Variants in CCDC30 observed in about 807,000 individuals in gnomAD.
CCDC30 encodes coiled-coil domain containing 30, also known as coiled-coil domain-containing protein 30.
In CCDC30, 70 loss-of-function variants were observed where a neutral mutation model predicts 100.2. The observed-to-expected ratio is 0.70, with a 90% CI of 0.58 to 0.85. CCDC30 has a LOEUF of 0.85. Ranked by LOEUF, CCDC30 falls within the 40% of genes least tolerant of loss-of-function variation. CCDC30 has a pLI of 0.00. For synonymous variants in CCDC30, 233 were observed against 269.5 expected (o/e 0.86, Z 1.33); for missense variants, 652 against 771.2 (o/e 0.85, Z 1.83).
At chr1:42,547,201 G>C (rs1645162237) in intron 6 of CCDC30, among the ~76,000 whole-genome samples, 1 of 152,200 alleles carries the variant, frequency 6.6e-6, no homozygotes, top group African/African-American at 2.4e-5. Context: ...AGAGAGCCAA[G>C]AAGCAACATC....
chr1:42,589,573 T>A (rs1210790875), intron 10 of CCDC30, 90 bp downstream of exon 14: 4 of 1,089,852 alleles, frequency 3.7e-6, no homozygotes, highest in Non-Finnish European at 5.4e-6. Flanking sequence ...TTACTAAACC[T>A]AATCCTTTAG....
intron 6 of CCDC30, among the ~76,000 whole-genome samples, chr1:42,535,710 T>TATATATATA (rs1644888588): frequency 2.0e-5 from 2 of 99,646 alleles, no homozygotes; most frequent in African/African-American, 8.6e-5. Context: ...ATATATATAT[T>TATATATATA]ATATATATAA....
chr1:42,553,650 CAT>C (rs1018285965), intron 6 of CCDC30, among the ~76,000 whole-genome samples: 1 of 94,206 alleles, frequency 1.1e-5, no homozygotes, highest in African/African-American at 3.6e-5. Context: ...GGTGAGATTC[CAT>C]ACACACACAC....
Position 42,498,394 on chromosome 1 carries a change from A to G in CCDC30, c.358-424A>G, listed in dbSNP as rs546603669. Among the ~76,000 whole-genome samples the G allele has an allele frequency of 4.4e-4, 67 of 152,300 alleles. No individual in the cohort carries two copies. The South Asian group carries it at 5.0e-3, about 11-fold the overall frequency. ...AACAGTGTGCCTGACAATGTACTTAATAATATGCTTAATGATGCTTAATGC... is the reference window on the plus strand; with the variant it reads ...AACAGTGTGCCTGACAATGTACTTAGTAATATGCTTAATGATGCTTAATGC... On this transcript the variant is annotated intron_variant, in intron 5 of 16. Coordinates refer to ENST00000668663, the Ensembl canonical transcript of CCDC30.
chr1:42,524,055 A>G (rs1644687656), intron 6 of CCDC30, among the ~76,000 whole-genome samples: 1 of 150,412 alleles, frequency 6.6e-6, no homozygotes, highest in Admixed American at 6.6e-5. Context: ...TTTGTGTAGT[A>G]GATCTGCCAT....
rs140065707 is a variant in CCDC30, at chr1:42,587,249, G to A, written c.1002-2072G>A. Among the ~76,000 whole-genome samples, 939 of 152,218 alleles carry A rather than the reference G, an allele frequency of 6.2e-3. 3 individuals carry two copies. Among genetic ancestry groups the A allele is most frequent in the African/African-American group, 0.017 (717 of 41,526 alleles). On this transcript the variant is annotated intron_variant, in intron 9 of 16. Coordinates refer to ENST00000668663, the Ensembl canonical transcript of CCDC30. ...TGGGCTCAAGCGATCCTCCTACCTT[G>A]GCCTCCCAAAGTGCTAGGATTATAG...
At chr1:42,497,751 C>A (rs1471183705) in intron 5 of CCDC30, among the ~76,000 whole-genome samples, 2 of 151,904 alleles carry the variant, frequency 1.3e-5, no homozygotes, top group Non-Finnish European at 2.9e-5. Flanking sequence ...GACTAAAGAC[C>A]CATCAGGATG....
chr1:42,536,571 T>C lies in CCDC30; in HGVS notation c.457-29725T>C, dbSNP rs201506103. On this transcript the variant is annotated intron_variant, in intron 6 of 16. Coordinates refer to ENST00000668663, the Ensembl canonical transcript of CCDC30. ...AGCAGTTGGCATCTGGTCTTGACAC[T>C]GCAGAGAAGGCCTTGAAAGTTGAAA... The C allele has an allele frequency of 4.7e-5, 76 of 1,613,026 alleles. No individual in the cohort carries two copies. In the East Asian group the frequency reaches 1.6e-3, roughly 34 times the overall value.
intron 6 of CCDC30, chr1:42,542,818 G>C (rs1372854772): frequency 2.0e-5 from 3 of 150,962 alleles, no homozygotes; most frequent in Admixed American, 2.0e-4. Flanking sequence ...CTCCCAAAGT[G>C]CTGGGATTAC....
intron 8 of CCDC30, among the ~76,000 whole-genome samples, chr1:42,578,828 CA>C (rs1302098242): frequency 6.6e-6 from 1 of 152,022 alleles, no homozygotes; most frequent in Non-Finnish European, 1.5e-5. Context: ...TGTCCCCTGG[CA>C]AAAGATCAAA....
At chr1:42,525,048 G>A (rs904080969) in intron 6 of CCDC30, among the ~76,000 whole-genome samples, 1 of 151,934 alleles carries the variant, frequency 6.6e-6, no homozygotes, top group Non-Finnish European at 1.5e-5. Flanking sequence ...TCTTATCTTT[G>A]TTTTTCTATA....
At chr1:42,631,637 A>T (rs1208212527) in intron 11 of CCDC30, among the ~76,000 whole-genome samples, 1 of 152,200 alleles carries the variant, frequency 6.6e-6, no homozygotes, top group Non-Finnish European at 1.5e-5. Context: ...AAAAAACCTG[A>T]GAAGTCCACC....
chr1:42,498,156 A>T (rs1644256334), intron 5 of CCDC30, among the ~76,000 whole-genome samples: 1 of 152,244 alleles, frequency 6.6e-6, no homozygotes, highest in Non-Finnish European at 1.5e-5. Flanking sequence ...CATTATTCTA[A>T]ATGAAATAAT....
intron 4 of CCDC30, among the ~76,000 whole-genome samples, chr1:42,490,659 C>T (rs537516839): frequency 6.6e-6 from 1 of 152,144 alleles, no homozygotes; most frequent in Admixed American, 6.6e-5. Context: ...TATGGCCATA[C>T]CACCCTGAAC....
rs1646282847 is a variant in CCDC30, at chr1:42,596,121, A to G, written c.1164+6638A>G. Among the ~76,000 whole-genome samples, 1 of 152,198 alleles carries G rather than the reference A, an allele frequency of 6.6e-6. No individual in the cohort carries two copies. The highest frequency in any genetic ancestry group is 1.5e-5 in the Non-Finnish European group (1 of 68,036). On this transcript the variant is annotated intron_variant, in intron 10 of 16. Coordinates refer to ENST00000668663, the Ensembl canonical transcript of CCDC30. The surrounding 1 kb of genome is among the most constrained non-coding windows in gnomAD (Gnocchi z 4.3). ...AAATTAGAGATACCTATAGACAAATACAGATAATCACAACTTACTGGAGCA... is the reference window on the plus strand; with the variant it reads ...AAATTAGAGATACCTATAGACAAATGCAGATAATCACAACTTACTGGAGCA...
intron 6 of CCDC30, 30 bp from the exon 9 acceptor site, chr1:42,545,380 A>G (rs1474973623): frequency 6.6e-7 from 1 of 1,525,580 alleles, no homozygotes; most frequent in Non-Finnish European, 8.8e-7. Context: ...TATGCAAAAT[A>G]GAATATTTGT....
At position 42,563,890 on chromosome 1, in the gene CCDC30, G is replaced by A. The variant is rs560946594; in HGVS notation, c.457-2406G>A. ...AGACTCCATCTCAAAAAAAAAAAAA[G>A]TGAGGCTTCTTCATAATTACATTAT... On this transcript the variant is annotated intron_variant, in intron 6 of 16. Transcript: ENST00000668663. Among the ~76,000 whole-genome samples, 66 of 151,450 alleles carry A rather than the reference G, an allele frequency of 4.4e-4. No homozygotes were observed. The South Asian group carries it at 4.8e-3, about 11-fold the overall frequency.
At chr1:42,587,060 C>T (rs543377197) in intron 9 of CCDC30, among the ~76,000 whole-genome samples, 40 of 152,166 alleles carry the variant, frequency 2.6e-4, no homozygotes, top group Admixed American at 1.4e-3. Flanking sequence ...TGCAGTAGTG[C>T]GATCACAGTT....
chr1:42,621,389 C>T (rs1399570431), intron 11 of CCDC30, among the ~76,000 whole-genome samples: 1 of 151,714 alleles, frequency 6.6e-6, no homozygotes, highest in Non-Finnish European at 1.5e-5. Flanking sequence ...AATCTCAGCT[C>T]ACTGCAGCCT....
Sources: gnomAD v4.1 joint callset for allele counts (sites outside exome capture counted in the v4.1 genomes callset) on GRCh38, gnomAD v4.1.1 for gene constraint, Gnocchi (gnomAD v3.1) non-coding constraint, MANE v1.5 for transcripts, NCBI Gene and HGNC (gene_info 2026-07-23, HGNC 2026-07-21) for gene names.